The following CTNNA3 variants were observed in gnomAD, a reference collection of about 807,000 sequenced individuals.
CTNNA3 encodes catenin alpha 3.
CTNNA3 carries 76 observed loss-of-function variants against 95.7 expected under a neutral mutation model. The observed-to-expected ratio is 0.79, with a 90% CI of 0.66 to 0.96. The LOEUF (loss-of-function observed/expected upper bound fraction) is 0.96, where lower values mean the gene tolerates loss of function less well. CTNNA3 is among the 40% of genes least tolerant of loss of function. The pLI is 0.00. For synonymous variants in CTNNA3, 431 were observed against 374.4 expected, an observed-to-expected ratio of 1.15 and a Z score of -1.74; for missense variants, 1,191 against 1,089.8, an observed-to-expected ratio of 1.09 and a Z score of -1.31.
chr10:67,129,463 C>G (rs1166645324), intron 7 of CTNNA3, among the ~76,000 whole-genome samples: 2 of 152,098 alleles, frequency 1.3e-5, no homozygotes, highest in African/African-American at 4.8e-5. Context: ...TAACCACAAA[C>G]AGTTATGAAT....
At chr10:66,359,516 A>T (rs191377621) in intron 12 of CTNNA3, among the ~76,000 whole-genome samples, 1 of 152,262 alleles carries the variant, frequency 6.6e-6, no homozygotes, top group African/African-American at 2.4e-5. Flanking sequence ...TAATTTCTTA[A>T]ATGTTTAGTT....
At chr10:67,223,506 T>C (rs1372277987) in intron 5 of CTNNA3, among the ~76,000 whole-genome samples, 2 of 152,138 alleles carry the variant, frequency 1.3e-5, no homozygotes, top group African/African-American at 4.8e-5. Context: ...AGAAGAAAGC[T>C]CACAGGAGAT....
chr10:66,622,105 G>A (rs1043267812), intron 9 of CTNNA3, among the ~76,000 whole-genome samples: 1 of 152,126 alleles, frequency 6.6e-6, no homozygotes. Context: ...TTTATCTGTG[G>A]ATTGAATGCT....
chr10:66,384,477 C>T (rs1461818402), intron 11 of CTNNA3, among the ~76,000 whole-genome samples: 1 of 152,098 alleles, frequency 6.6e-6, no homozygotes, highest in Non-Finnish European at 1.5e-5. Context: ...CTTAGACTCT[C>T]ATACAATAAT....
chr10:66,300,572 T>C (rs1453213043), intron 12 of CTNNA3, among the ~76,000 whole-genome samples: 4 of 151,580 alleles, frequency 2.6e-5, no homozygotes, highest in Non-Finnish European at 5.9e-5. Context: ...TGATACTAGA[T>C]GATGAGAAAG....
intron 5 of CTNNA3, among the ~76,000 whole-genome samples, chr10:67,433,131 G>A (rs2132904019): frequency 6.6e-6 from 1 of 152,118 alleles, no homozygotes; most frequent in East Asian, 1.9e-4. Flanking sequence ...TAAAGTGAGA[G>A]ACATGCAACT....
chr10:66,808,115 G>A lies in CTNNA3; in HGVS notation c.1048-32591C>T, dbSNP rs562097712. ...GAGGATAAAAAAGGCAGGTCTCATC[G>A]GCAAAAATGTAAGAGAATAGACCTA... is the stretch of plus-strand genomic sequence containing the variant. On this transcript the variant is annotated intron_variant, in intron 7 of 17. Transcript: ENST00000433211. Among the ~76,000 whole-genome samples, 19 of 152,106 alleles carry A rather than the reference G, an allele frequency of 1.2e-4. 1 individual carries two copies. The South Asian group carries it at 2.1e-3, about 17-fold the overall frequency.
chr10:66,877,026 T>C (rs1182072237), intron 7 of CTNNA3, among the ~76,000 whole-genome samples: 1 of 152,138 alleles, frequency 6.6e-6, no homozygotes, highest in African/African-American at 2.4e-5. Flanking sequence ...TGCCTTTCTC[T>C]GAAGACGCTC....
chr10:66,157,491 GTAGATAGATAGATAGATAGATAGA>G lies in CTNNA3; in HGVS notation c.1885-54266_1885-54243del, dbSNP rs34507083. On this transcript the variant is annotated intron_variant, in intron 13 of 17. Coordinates refer to ENST00000433211, the MANE Select transcript of CTNNA3 (RefSeq NM_013266.4). ...AGACAGATGATAGATAGATAGATAT[GTAGATAGATAGATAGATAGATAGA>G]TAGATAGATAGATAGATAGATAGAT... 6.5e-3 allele frequency among the ~76,000 whole-genome samples: 958 copies of G among 147,482 alleles called. 8 individuals carry two copies. The highest frequency in any genetic ancestry group is 0.019 in the African/African-American group (766 of 39,852).
chr10:66,417,094 G>A (rs74143915), intron 11 of CTNNA3, among the ~76,000 whole-genome samples: 2,317 of 152,038 alleles, frequency 0.015, 74 homozygotes, highest in African/African-American at 0.053. Flanking sequence ...GCTATAGACT[G>A]AATGAATGGA....
chr10:67,577,508 T>C (rs1424448696), intron 3 of CTNNA3, among the ~76,000 whole-genome samples: 1 of 152,204 alleles, frequency 6.6e-6, no homozygotes, highest in Non-Finnish European at 1.5e-5. Context: ...TTTCTTTTGC[T>C]GTGCAGAAGC....
intron 3 of CTNNA3, among the ~76,000 whole-genome samples, chr10:67,547,275 G>T (rs1034233682): frequency 2.0e-5 from 3 of 152,076 alleles, no homozygotes; most frequent in Non-Finnish European, 2.9e-5. Context: ...AATATTTTAT[G>T]TATGATTTAA....
chr10:66,828,787 C>T (rs1842605565), intron 7 of CTNNA3, among the ~76,000 whole-genome samples: 1 of 152,124 alleles, frequency 6.6e-6, no homozygotes, highest in South Asian at 2.1e-4. Context: ...TCATAGTCTG[C>T]CCAAGATAAT....
intron 3 of CTNNA3, among the ~76,000 whole-genome samples, chr10:67,580,148 G>A (rs1331901473): frequency 6.6e-6 from 1 of 152,138 alleles, no homozygotes; most frequent in African/African-American, 2.4e-5. Flanking sequence ...GTCCTGAATG[G>A]TACTGCCTAG....
chr10:67,132,576 G>C (rs1860072122), intron 7 of CTNNA3, among the ~76,000 whole-genome samples: 1 of 152,072 alleles, frequency 6.6e-6, no homozygotes, highest in Non-Finnish European at 1.5e-5. Context: ...AGAGGGATAT[G>C]GGTTACGAAT....
intron 13 of CTNNA3, among the ~76,000 whole-genome samples, chr10:66,152,411 T>A (rs995304121): frequency 6.6e-6 from 1 of 151,884 alleles, no homozygotes; most frequent in Non-Finnish European, 1.5e-5. Flanking sequence ...GAAGCACAGA[T>A]ATACATAATG....
chr10:67,202,311 A>G (rs1295087588), intron 6 of CTNNA3, among the ~76,000 whole-genome samples: 2 of 152,182 alleles, frequency 1.3e-5, no homozygotes, highest in Non-Finnish European at 2.9e-5. Flanking sequence ...TTAGCAGTGA[A>G]CACCTGACAG....
At chr10:66,685,145 CTATATATATATACACGTA>C (rs1350297473) in intron 9 of CTNNA3, among the ~76,000 whole-genome samples, 1 of 134,684 alleles carries the variant, frequency 7.4e-6, no homozygotes, top group Non-Finnish European at 1.6e-5. Context: ...CTTAGAAGAA[CTATATATATATACACGTA>C]TATATATATA....
chr10:67,571,081 T>C (rs1016043790), intron 3 of CTNNA3, among the ~76,000 whole-genome samples: 14 of 152,182 alleles, frequency 9.2e-5, no homozygotes, highest in African/African-American at 3.4e-4. Flanking sequence ...ATGTGGAAGA[T>C]AGGTTACATC....
Sources: allele counts gnomAD v4.1 joint callset (sites outside exome capture counted in the v4.1 genomes callset), GRCh38; gene constraint gnomAD v4.1.1; transcripts MANE v1.5; gene names NCBI Gene and HGNC (gene_info 2026-07-23, HGNC 2026-07-21).